Variants in FERMT2 observed in about 807,000 individuals in gnomAD.
FERMT2 encodes fermitin family homolog 2.
In FERMT2, 15 loss-of-function variants were observed where a neutral mutation model predicts 82.7. That is an observed-to-expected ratio of 0.18 (90% confidence interval 0.12 to 0.28). FERMT2 has a LOEUF of 0.28. Among genes scored for constraint, FERMT2 ranks in the 10% least tolerant of loss-of-function variants. FERMT2 has a pLI of 1.00. For missense variants in FERMT2, 645 were observed against 809.4 expected, an observed-to-expected ratio of 0.80 and a Z score of 2.46; for synonymous variants, 274 against 271.5, an observed-to-expected ratio of 1.01 and a Z score of -0.09.
intron 3 of FERMT2, among the ~76,000 whole-genome samples, chr14:52,910,040 A>G (rs957628273): frequency 2.0e-5 from 3 of 152,224 alleles, no homozygotes; most frequent in Non-Finnish European, 4.4e-5. Context: ...CGACAGAGCG[A>G]GACTCCATCT....
intron 2 of FERMT2, among the ~76,000 whole-genome samples, chr14:52,931,150 T>G (rs1007426274): frequency 6.6e-6 from 1 of 152,168 alleles, no homozygotes; most frequent in Non-Finnish European, 1.5e-5. Flanking sequence ...CAAGTAACTA[T>G]CATATGCCAG....
At chr14:52,889,930 A>G (rs888507413) in intron 4 of FERMT2, among the ~76,000 whole-genome samples, 1 of 152,050 alleles carries the variant, frequency 6.6e-6, no homozygotes, top group Non-Finnish European at 1.5e-5. Flanking sequence ...GGAGTTCAAG[A>G]CCAGTCTGGC....
At chr14:52,912,845 G>C (rs1405672241) in intron 3 of FERMT2, among the ~76,000 whole-genome samples, 1 of 152,056 alleles carries the variant, frequency 6.6e-6, no homozygotes, top group Non-Finnish European at 1.5e-5. Context: ...CCAGTGATAG[G>C]ATTAACTGAT....
chr14:52,867,115 T>A (rs964553640), intron 10 of FERMT2, among the ~76,000 whole-genome samples: 44 of 151,222 alleles, frequency 2.9e-4, no homozygotes, highest in African/African-American at 7.3e-4. Flanking sequence ...TTTTTTTTTT[T>A]AAATAGAGAC....
At chr14:52,886,567 G>A (rs1403591273) in intron 4 of FERMT2, among the ~76,000 whole-genome samples, 2 of 152,112 alleles carry the variant, frequency 1.3e-5, no homozygotes, top group Non-Finnish European at 2.9e-5. Flanking sequence ...TTTTCTATAG[G>A]TAAAACTCTG....
chr14:52,910,289 G>T (rs1363159097), intron 3 of FERMT2, among the ~76,000 whole-genome samples: 3 of 152,048 alleles, frequency 2.0e-5, no homozygotes, highest in East Asian at 1.9e-4. Flanking sequence ...AACAGAAAGA[G>T]AAAAAATAGG....
Position 52,893,356 on chromosome 14 carries a change from G to A in FERMT2, c.463C>T (p.Leu155=), listed in dbSNP as rs768485577. 5.0e-6 allele frequency: 8 copies of A among 1,612,732 alleles called. No individual in the cohort carries two copies. Among genetic ancestry groups the A allele is most frequent in the Non-Finnish European group, 5.9e-6 (7 of 1,179,338 alleles). ...RDPTKKKKKK[L]DDQSEDEALE... ...GCCTCATCTTCAGACTGGTCATCTA[G>A]CTTCTTCTTTTTTTTCTTTGTTGGA... The change falls in exon 4 of 15, where the codon CTA becomes TTA. Residue 155 remains leucine, a synonymous_variant. Transcript: ENST00000341590.
intron 4 of FERMT2, among the ~76,000 whole-genome samples, chr14:52,887,726 T>G (rs988094996): frequency 3.9e-5 from 6 of 152,100 alleles, no homozygotes; most frequent in Admixed American, 2.6e-4. Flanking sequence ...GGATGTGAAT[T>G]CTAGCTCTGC....
chr14:52,872,992 T>G (rs1365786372), intron 9 of FERMT2, 69 bp from the exon 10 acceptor site: 3 of 1,447,014 alleles, frequency 2.1e-6, no homozygotes, highest in Non-Finnish European at 2.9e-6. Flanking sequence ...ATTAGCAAAG[T>G]TTCACAATAT....
intron 3 of FERMT2, among the ~76,000 whole-genome samples, chr14:52,897,395 G>A (rs1413000639): frequency 1.3e-5 from 2 of 152,054 alleles, no homozygotes; most frequent in Non-Finnish European, 2.9e-5. Context: ...ATGGATATAT[G>A]TTCTTGTTTT....
intron 3 of FERMT2, among the ~76,000 whole-genome samples, chr14:52,898,144 CCA>C (rs1887409352): frequency 6.6e-6 from 1 of 152,022 alleles, no homozygotes; most frequent in Non-Finnish European, 1.5e-5. Context: ...GAATATGTGA[CCA>C]CAGAGTAGGT....
chr14:52,948,571 C>T, intron 2 of FERMT2: 1 of 455,712 alleles, frequency 2.2e-6, no homozygotes, highest in South Asian at 1.6e-5. Flanking sequence ...CCTTGTTGGG[C>T]TTCTTTTCTC....
At chr14:52,947,958 T>C (rs1017655405) in intron 2 of FERMT2, among the ~76,000 whole-genome samples, 19 of 152,272 alleles carry the variant, frequency 1.2e-4, no homozygotes, top group African/African-American at 4.3e-4. Flanking sequence ...GGTATTCATA[T>C]ACCGTCCAAC....
chr14:52,891,735 C>T (rs903232248), intron 4 of FERMT2, among the ~76,000 whole-genome samples: 4 of 152,144 alleles, frequency 2.6e-5, no homozygotes, highest in African/African-American at 9.7e-5. Flanking sequence ...TAGATATTTG[C>T]TGAGGGGACC....
intron 3 of FERMT2, among the ~76,000 whole-genome samples, chr14:52,898,298 A>G (rs1369826575): frequency 6.6e-6 from 1 of 152,164 alleles, no homozygotes; most frequent in African/African-American, 2.4e-5. Context: ...TTTTTAAAAA[A>G]CATACTACAG....
At chr14:52,945,801 T>G (rs914537022) in intron 2 of FERMT2, among the ~76,000 whole-genome samples, 1 of 152,206 alleles carries the variant, frequency 6.6e-6, no homozygotes, top group South Asian at 2.1e-4. Context: ...TATTCTCCGT[T>G]TAAAATGAAT....
intron 3 of FERMT2, among the ~76,000 whole-genome samples, chr14:52,910,959 T>C (rs1888277288): frequency 6.6e-6 from 1 of 152,200 alleles, no homozygotes; most frequent in Non-Finnish European, 1.5e-5. Context: ...TAACTTGGGT[T>C]GAAAATCAAC....
intron 3 of FERMT2, among the ~76,000 whole-genome samples, chr14:52,900,123 T>G (rs1415978992): frequency 6.6e-6 from 1 of 152,168 alleles, no homozygotes; most frequent in African/African-American, 2.4e-5. Context: ...TTTGTTTGTT[T>G]TAAAGATAGG....
rs117985042 is a variant in FERMT2 at position 52,930,592 on chromosome 14, T to C, written c.158-11236A>G. ...TGGCTTCCTGAGGAATATCAAATTG[T>C]AGGGCACCTGGCTACTCCCTAGTCA... On this transcript the variant is annotated intron_variant, in intron 2 of 14. Transcript: ENST00000341590. Among the ~76,000 whole-genome samples the C allele has an allele frequency of 5.2e-3, 795 of 152,308 alleles. 3 individuals are homozygous for C. The highest frequency in any genetic ancestry group is 0.025 in the South Asian group (121 of 4,830).
Sources: allele counts gnomAD v4.1 joint callset (sites outside exome capture counted in the v4.1 genomes callset), GRCh38; gene constraint gnomAD v4.1.1; transcripts MANE v1.5; gene names NCBI Gene and HGNC (gene_info 2026-07-23, HGNC 2026-07-21).